The following DYNC2LI1 variants were observed in gnomAD, a reference collection of about 807,000 sequenced individuals.
DYNC2LI1 encodes dynein cytoplasmic 2 light intermediate chain 1, also known as cytoplasmic dynein 2 light intermediate chain 1.
DYNC2LI1 carries 45 observed loss-of-function variants against 51.9 expected under a neutral mutation model. The ratio of observed to expected loss-of-function variants is 0.87; its 90% CI spans 0.68 to 1.11. DYNC2LI1 has a LOEUF of 1.11. Among genes scored for constraint, DYNC2LI1 ranks in the 50% most tolerant of loss-of-function variants. The pLI, the probability that DYNC2LI1 is intolerant of heterozygous loss-of-function variation, is 0.00. For missense variants in DYNC2LI1, 490 were observed against 417.4 expected, an observed-to-expected ratio of 1.17 and a Z score of -1.51; for synonymous variants, 130 against 137.8, an observed-to-expected ratio of 0.94 and a Z score of 0.40.
chr2:43,795,670 A>T (rs1421426798), intron 6 of DYNC2LI1, among the ~76,000 whole-genome samples: 1 of 152,208 alleles, frequency 6.6e-6, no homozygotes, highest in Non-Finnish European at 1.5e-5. Context: ...GAAAATAATA[A>T]ATATCATAGT....
intron 2 of DYNC2LI1, 63 bp from the exon 3 acceptor site, chr2:43,783,457 C>T (rs186261007): frequency 2.0e-5 from 25 of 1,248,602 alleles, no homozygotes; most frequent in Non-Finnish European, 3.4e-6. Flanking sequence ...CAATTACGAA[C>T]AATAATACAA....
intron 3 of DYNC2LI1, among the ~76,000 whole-genome samples, chr2:43,786,225 G>C (rs1255901317): frequency 6.6e-6 from 1 of 152,128 alleles, no homozygotes; most frequent in African/African-American, 2.4e-5. Context: ...GTGAGACAGG[G>C]TGCCTCTCTG....
chr2:43,799,784 A>G (rs981161283), intron 8 of DYNC2LI1, among the ~76,000 whole-genome samples: 26 of 152,224 alleles, frequency 1.7e-4, no homozygotes, highest in Admixed American at 6.5e-4. Flanking sequence ...CATAAAGAAA[A>G]TAAAATTAAA....
chr2:43,786,699 G>A (rs190874336), intron 3 of DYNC2LI1, among the ~76,000 whole-genome samples: 240 of 152,252 alleles, frequency 1.6e-3, no homozygotes, highest in African/African-American at 5.2e-3. Context: ...GGTGGCGGGT[G>A]CTTGTAGTCC....
intron 12 of DYNC2LI1, among the ~76,000 whole-genome samples, chr2:43,807,743 CAAAAAAAAAAAA>C (rs536977133): frequency 6.5e-4 from 27 of 41,630 alleles, no homozygotes; most frequent in South Asian, 6.4e-3. Flanking sequence ...TTTGTTAAAG[CAAAAAAAAAAAA>C]AAAAAAAAAA....
chr2:43,793,598 TTC>T (rs984791301), intron 5 of DYNC2LI1: 10 of 136,494 alleles, frequency 7.3e-5, no homozygotes, highest in African/African-American at 3.0e-4. Context: ...GTCTTTTGCC[TTC>T]TTTTTTTTTT....
chr2:43,801,745 T>A (rs1164327452), intron 10 of DYNC2LI1, 36 bp downstream of exon 10: 7 of 1,500,336 alleles, frequency 4.7e-6, no homozygotes, highest in African/African-American at 1.4e-5. Flanking sequence ...AATCTTTTTT[T>A]AATTGCTTAT....
chr2:43,776,192 TTTA>T (rs1479124984), intron 1 of DYNC2LI1, among the ~76,000 whole-genome samples: 1 of 152,050 alleles, frequency 6.6e-6, no homozygotes. Flanking sequence ...CCCATGCTAA[TTTA>T]TTAGTAGTAG....
rs1411735277 is a variant in DYNC2LI1 at position 43,794,589 on chromosome 2, A to T, written c.453A>T (p.Lys151Asn). ...TGAAACTGGGAAAGACAAATGCTAA[A>T]GCAGTTTCTGAAATGAGACAGAAGA... ...VIMKLGKTNA[K>N]AVSEMRQKIW... is the part of the protein sequence containing the mutation. Residue 151 changes from lysine to asparagine, a missense_variant, in exon 6 of 13, where the codon AAA becomes AAT. Physicochemically the swap from Lys to Asn is moderately conservative, Grantham distance 94 (BLOSUM62 0). Coordinates refer to ENST00000260605, the MANE Select transcript of DYNC2LI1 (RefSeq NM_016008.4). The T allele has an allele frequency of 3.7e-6, 6 of 1,614,032 alleles. No individual in the cohort carries two copies. The highest frequency in any genetic ancestry group is 5.1e-6 in the Non-Finnish European group (6 of 1,180,024).
At chr2:43,822,927 G>A in the DYNC2LI1 span, 1 of 1,613,990 alleles carries the variant, frequency 6.2e-7, no homozygotes, top group East Asian at 2.2e-5. Flanking sequence ...ACAGCTCGCA[G>A]CACGGGAACT....
the DYNC2LI1 span, chr2:43,824,720 G>C: frequency 1.1e-6 from 1 of 922,684 alleles, no homozygotes; most frequent in African/African-American, 1.8e-5. Flanking sequence ...CATTCTGATA[G>C]TCATCTCTGG....
chr2:43,800,818 T>G (rs1666051226), intron 8 of DYNC2LI1, 23 bp from the exon 9 acceptor site: 1 of 1,385,128 alleles, frequency 7.2e-7, no homozygotes, highest in Non-Finnish European at 1.0e-6. Flanking sequence ...AGCATGTAAT[T>G]TGTTCTCCTG....
At chr2:43,774,260 G>A in intron 1 of DYNC2LI1, 114 bp downstream of exon 1, 13 of 1,387,538 alleles carry the variant, frequency 9.4e-6, no homozygotes, top group Non-Finnish European at 1.3e-5. Flanking sequence ...TTGCCACCAG[G>A]ATATGCAGGG....
intron 9 of DYNC2LI1, 183 bp from the exon 10 acceptor site, chr2:43,801,452 GTTTA>G (rs1369958466): frequency 7.6e-5 from 33 of 435,454 alleles, no homozygotes; most frequent in East Asian, 7.5e-4. Context: ...CCTATAAAAT[GTTTA>G]TTTATGCTAT....
At chr2:43,783,948 C>G (rs1673404061) in intron 3 of DYNC2LI1, among the ~76,000 whole-genome samples, 1 of 152,138 alleles carries the variant, frequency 6.6e-6, no homozygotes, top group African/African-American at 2.4e-5. Context: ...GGTCCTCAAA[C>G]TGGATATTTT....
intron 2 of DYNC2LI1, among the ~76,000 whole-genome samples, chr2:43,782,315 C>T (rs915916599): frequency 1.3e-5 from 2 of 151,876 alleles, no homozygotes; most frequent in Non-Finnish European, 2.9e-5. Flanking sequence ...TATCTCATTA[C>T]AAAAAATTTA....
chr2:43,826,201 T>G, the DYNC2LI1 span, among the ~76,000 whole-genome samples: 1 of 151,360 alleles, frequency 6.6e-6, no homozygotes, highest in East Asian at 1.9e-4. Flanking sequence ...AGTCTCACTT[T>G]ATTGCTCAGG....
intron 10 of DYNC2LI1, among the ~76,000 whole-genome samples, chr2:43,803,495 G>C (rs1015278705): frequency 1.3e-5 from 2 of 152,146 alleles, no homozygotes; most frequent in Non-Finnish European, 2.9e-5. Context: ...AGGCAGATTA[G>C]TGGTGGTCAG....
At chr2:43,782,845 G>A (rs972838773) in intron 2 of DYNC2LI1, among the ~76,000 whole-genome samples, 1 of 152,132 alleles carries the variant, frequency 6.6e-6, no homozygotes. Flanking sequence ...ACCCAGGCAT[G>A]GTGGTGTGCA....
Sources: gnomAD v4.1 joint callset for allele counts (sites outside exome capture counted in the v4.1 genomes callset) on GRCh38, gnomAD v4.1.1 for gene constraint, MANE v1.5 for transcripts, NCBI Gene and HGNC (gene_info 2026-07-23, HGNC 2026-07-21) for gene names.